Variants in IRAG2 observed in about 807,000 individuals in gnomAD.
IRAG2 encodes inositol 1,4,5-triphosphate receptor associated 2, also known as lymphoid restricted membrane protein.
IRAG2 carries 45 observed loss-of-function variants against 69.9 expected under a neutral mutation model. The ratio of observed to expected loss-of-function variants is 0.64; its 90% CI spans 0.51 to 0.83. The LOEUF is 0.83. IRAG2 is among the 40% of genes least tolerant of loss of function. The probability of loss-of-function intolerance (pLI) is 0.00; values close to 1 mark genes in which losing one functional copy is unlikely to be tolerated. For missense variants in IRAG2, 520 were observed against 587.0 expected (o/e 0.89, Z 1.18); for synonymous variants, 193 against 202.4 (o/e 0.95, Z 0.40).
At chr12:25,039,171 T>G (rs1944726927) in intron 16 of IRAG2, among the ~76,000 whole-genome samples, 1 of 152,188 alleles carries the variant, frequency 6.6e-6, no homozygotes, top group Admixed American at 6.5e-5. Context: ...CAGGTATATA[T>G]TTCACTTGAA....
At chr12:25,070,320 T>A (rs561962511) in intron 6 of IRAG2, among the ~76,000 whole-genome samples, 2 of 152,308 alleles carry the variant, frequency 1.3e-5, no homozygotes, top group Non-Finnish European at 2.9e-5. Context: ...CTACTTTCTG[T>A]CCTATAGATT....
intron 10 of IRAG2, among the ~76,000 whole-genome samples, 199 bp downstream of exon 10, chr12:25,083,692 G>A (rs953342880): frequency 3.9e-5 from 6 of 152,166 alleles, no homozygotes; most frequent in African/African-American, 1.4e-4. Context: ...TCACACAACA[G>A]GATCAGAACT....
upstream of IRAG2, among the ~76,000 whole-genome samples, chr12:25,003,508 G>A (rs73297365): frequency 0.036 from 5,379 of 149,504 alleles, 231 homozygotes; most frequent in African/African-American, 0.1. Flanking sequence ...ACCACACCCA[G>A]CCTAGATTAT....
chr12:25,011,488 A>T, exon 3 of IRAG2: 1 of 1,231,700 alleles, frequency 8.1e-7, no homozygotes, highest in Non-Finnish European at 1.0e-6. Context: ...AGAGACCCAC[A>T]TGTGGACCTG....
chr12:25,081,333 G>A (rs563717452), intron 9 of IRAG2, among the ~76,000 whole-genome samples: 120 of 152,168 alleles, frequency 7.9e-4, no homozygotes, highest in Middle Eastern at 3.4e-3. Context: ...GCGTGGTGGC[G>A]GGCACCTGTA....
intron 20 of IRAG2, among the ~76,000 whole-genome samples, chr12:25,105,020 T>TCTGAGTCC (rs1417855524): frequency 6.6e-6 from 1 of 151,090 alleles, no homozygotes; most frequent in Admixed American, 6.6e-5. Flanking sequence ...AAATGCTACC[T>TCTGAGTCC]CTGAGTCCTT....
chr12:25,041,746 A>G (rs1944751402), intron 16 of IRAG2, among the ~76,000 whole-genome samples: 1 of 143,908 alleles, frequency 6.9e-6, no homozygotes, highest in African/African-American at 2.6e-5. Context: ...GTCTCAAGTG[A>G]TCTGCCCACC....
upstream of IRAG2, among the ~76,000 whole-genome samples, chr12:25,003,818 T>C (rs575555577): frequency 1.3e-5 from 2 of 152,288 alleles, no homozygotes; most frequent in South Asian, 2.1e-4. Context: ...GCATATTTAG[T>C]TAAGTTCTGA....
intron 16 of IRAG2, among the ~76,000 whole-genome samples, chr12:25,039,777 CTAA>C (rs1407979541): frequency 6.6e-6 from 1 of 152,138 alleles, no homozygotes; most frequent in African/African-American, 2.4e-5. Context: ...GAGGTCTGCA[CTAA>C]TGTCATCTCG....
intron 16 of IRAG2, among the ~76,000 whole-genome samples, chr12:25,045,616 C>A (rs187129500): frequency 6.6e-6 from 1 of 151,686 alleles, no homozygotes; most frequent in Non-Finnish European, 1.5e-5. Flanking sequence ...AATTAGATAA[C>A]CTAGAAGAAA....
intron 3 of IRAG2, among the ~76,000 whole-genome samples, chr12:25,013,927 T>C (rs796936507): frequency 7.7e-6 from 1 of 129,788 alleles, no homozygotes; most frequent in Admixed American, 9.9e-5. Flanking sequence ...CAGGCTGGAG[T>C]GCAGTGGCGC....
chr12:25,052,037 T>C (rs747928026), upstream of IRAG2, among the ~76,000 whole-genome samples: 5 of 152,214 alleles, frequency 3.3e-5, no homozygotes, highest in Non-Finnish European at 5.9e-5. Flanking sequence ...GGTGTCAGGC[T>C]AAGCGACCAA....
At chr12:25,086,648 G>A (rs1329382364) in intron 10 of IRAG2, among the ~76,000 whole-genome samples, 8 of 152,160 alleles carry the variant, frequency 5.3e-5, no homozygotes, top group Admixed American at 5.2e-4. Flanking sequence ...AGGAGACTGA[G>A]AACGGGCTGT....
At chr12:25,076,509 C>A in intron 6 of IRAG2, 1 of 984,806 alleles carries the variant, frequency 1.0e-6, no homozygotes, top group Non-Finnish European at 1.2e-6. Context: ...CTAATTAGAC[C>A]TTTTTTTGAA....
Position 25,079,756 on chromosome 12 carries a change from G to C in IRAG2, c.237G>C (p.Glu79Asp), listed in dbSNP as rs763302308. 1.9e-6 allele frequency: 3 copies of C among 1,610,108 alleles called. No homozygotes were observed. The highest frequency in any genetic ancestry group is 2.6e-6 in the Non-Finnish European group (3 of 1,176,370). ...EDTRSASPTI[E>D]AQGTSPAHDN... is the part of the protein sequence containing the mutation. ...CAAGATCAGCTTCTCCCACGATAGA[G>C]GCCCAAGGTAAAATGTTGACAGGTG... Residue 79 changes from glutamate (E) to aspartate (D), a missense_variant, in exon 9 of 22, where the codon GAG (glutamate) becomes GAC (aspartate). Physicochemically the swap from Glu to Asp is conservative, Grantham distance 45 (BLOSUM62 2). Coordinates refer to ENST00000556887, the MANE Select transcript of IRAG2 (RefSeq NM_001366544.2).
chr12:25,018,213 T>TTTTTTG (rs1944548218), intron 6 of IRAG2, among the ~76,000 whole-genome samples: 1 of 144,696 alleles, frequency 6.9e-6, no homozygotes, highest in African/African-American at 2.6e-5. Flanking sequence ...TTTTTTTTTT[T>TTTTTTG]GGAGACAGGG....
rs1399342690 is a variant in IRAG2, at chr12:25,022,310, A to T, written c.1332+1403A>T. On this transcript the variant is annotated intron_variant, in intron 7 of 38. Transcript: ENST00000636465. ...GGAGTTCAAGACAAGCTTGGCCAAC[A>T]TGGTGAAACCCCATCTCAACTAAAA... is the stretch of plus-strand genomic sequence containing the variant. Among the ~76,000 whole-genome samples the T allele has an allele frequency of 2.0e-5, 3 of 152,132 alleles. No individual in the cohort carries two copies. The East Asian group carries it at 5.8e-4, about 29-fold the overall frequency.
chr12:25,067,433 C>T (rs900089900), intron 5 of IRAG2, among the ~76,000 whole-genome samples: 1 of 152,142 alleles, frequency 6.6e-6, no homozygotes, highest in African/African-American at 2.4e-5. Context: ...CTGGAAATAG[C>T]ATCCGATTCC....
chr12:25,104,821 A>C (rs1269121311), intron 20 of IRAG2, among the ~76,000 whole-genome samples: 1 of 152,158 alleles, frequency 6.6e-6, no homozygotes, highest in African/African-American at 2.4e-5. Context: ...AAAACATGAG[A>C]TATATAACGT....
Sources: allele counts gnomAD v4.1 joint callset (sites outside exome capture counted in the v4.1 genomes callset), GRCh38; gene constraint gnomAD v4.1.1; transcripts MANE v1.5; gene names NCBI Gene and HGNC (gene_info 2026-07-23, HGNC 2026-07-21).